Variants in RNF115 observed in about 807,000 individuals in gnomAD.
RNF115 encodes ring finger protein 115.
A neutral mutation model predicts 39.2 loss-of-function variants in RNF115; 31 were observed. The ratio of observed to expected loss-of-function variants is 0.79; its 90% CI spans 0.59 to 1.07. The LOEUF is 1.07. RNF115 is among the 50% of genes least tolerant of loss of function. RNF115 has a pLI of 0.00. For missense variants in RNF115, 384 were observed against 381.7 expected, an observed-to-expected ratio of 1.01 and a Z score of -0.05; for synonymous variants, 124 against 131.0, an observed-to-expected ratio of 0.95 and a Z score of 0.37.
intron 1 of RNF115, among the ~76,000 whole-genome samples, chr1:145,798,274 G>C (rs917444233): frequency 9.9e-5 from 15 of 152,078 alleles, no homozygotes; most frequent in Non-Finnish European, 2.9e-5. Flanking sequence ...TTTCCTCTAA[G>C]TTTTCTTTTA....
chr1:145,792,442 C>T (rs1481818687), intron 1 of RNF115, among the ~76,000 whole-genome samples: 3 of 152,034 alleles, frequency 2.0e-5, no homozygotes, highest in East Asian at 1.9e-4. Flanking sequence ...GTCATCCTCC[C>T]AAAGTGCTGG....
intron 4 of RNF115, among the ~76,000 whole-genome samples, chr1:145,760,542 T>C (rs1658459381): frequency 2.0e-5 from 3 of 152,112 alleles, no homozygotes; most frequent in Non-Finnish European, 2.9e-5. Flanking sequence ...TGAGATCTGA[T>C]GGGTTTATCA....
chr1:145,758,769 C>G (rs1287033318), intron 4 of RNF115, among the ~76,000 whole-genome samples: 8 of 152,192 alleles, frequency 5.3e-5, no homozygotes, highest in African/African-American at 1.9e-4. Flanking sequence ...TACTTACTCT[C>G]TGGAAGTCAG....
intron 6 of RNF115, among the ~76,000 whole-genome samples, chr1:145,750,964 C>T (rs1052825046): frequency 1.3e-5 from 2 of 152,140 alleles, no homozygotes; most frequent in Non-Finnish European, 2.9e-5. Context: ...CTCAGAAATC[C>T]ACAACGGAAA....
At chr1:145,755,291 G>A (rs962601737) in intron 4 of RNF115, among the ~76,000 whole-genome samples, 4 of 151,710 alleles carry the variant, frequency 2.6e-5, no homozygotes, top group East Asian at 3.9e-4. Context: ...TACTTCTGTC[G>A]GATCAATCAC....
intron 4 of RNF115, among the ~76,000 whole-genome samples, chr1:145,755,912 G>A (rs1275714409): frequency 6.6e-6 from 1 of 152,116 alleles, no homozygotes; most frequent in Non-Finnish European, 1.5e-5. Flanking sequence ...TGATAATCTA[G>A]CTAAAGTGAT....
At chr1:145,754,522 T>A (rs1658224861) in intron 4 of RNF115, among the ~76,000 whole-genome samples, 1 of 152,062 alleles carries the variant, frequency 6.6e-6, no homozygotes, top group Non-Finnish European at 1.5e-5. Context: ...CCTGGCTAAT[T>A]TTTGTATTTT....
intron 1 of RNF115, among the ~76,000 whole-genome samples, chr1:145,802,195 C>G (rs372213811): frequency 3.2e-4 from 49 of 152,290 alleles, no homozygotes; most frequent in African/African-American, 1.1e-3. Context: ...CCAAACTAAG[C>G]TGCTTTCCCC....
rs587643244 is a variant in RNF115, at chr1:145,809,454, T to G, written c.102+14318A>C. Among the ~76,000 whole-genome samples the G allele has an allele frequency of 2.7e-5, 4 of 149,466 alleles. No homozygotes were observed. In the East Asian group the frequency reaches 7.9e-4, roughly 29 times the overall value. On this transcript the variant is annotated intron_variant, in intron 1 of 8. Coordinates refer to ENST00000582693, the MANE Select transcript of RNF115 (RefSeq NM_014455.4). ...CTTCAGCCTCCCAAAGTGCTGAGAT[T>G]ATAGGTGTGCGCCACTGCACCCAGA... is the stretch of plus-strand genomic sequence containing the variant.
chr1:145,803,851 G>T (rs782790014), intron 1 of RNF115, among the ~76,000 whole-genome samples: 83 of 152,188 alleles, frequency 5.5e-4, no homozygotes, highest in Non-Finnish European at 7.6e-4. Context: ...TGATCAGATG[G>T]TCAAGAAGCC....
intron 2 of RNF115, among the ~76,000 whole-genome samples, chr1:145,788,103 CTTTTTTT>C (rs1194329643): frequency 6.6e-6 from 1 of 151,412 alleles, no homozygotes; most frequent in Admixed American, 6.6e-5. Context: ...TTTCTTTTTT[CTTTTTTT>C]TGAGACACAG....
chr1:145,803,792 C>T (rs966884560), intron 1 of RNF115, among the ~76,000 whole-genome samples: 1 of 152,164 alleles, frequency 6.6e-6, no homozygotes, highest in South Asian at 2.1e-4. Flanking sequence ...TCATTGTGTA[C>T]CAAGGCAGAA....
chr1:145,761,671 C>A (rs1300087246), intron 4 of RNF115, among the ~76,000 whole-genome samples: 1 of 152,254 alleles, frequency 6.6e-6, no homozygotes, highest in African/African-American at 2.4e-5. Context: ...CATGGAGAAC[C>A]TCTGCTAGGG....
chr1:145,790,297 C>T (rs1351499213), intron 1 of RNF115, among the ~76,000 whole-genome samples: 4 of 151,208 alleles, frequency 2.6e-5, no homozygotes, highest in Admixed American at 2.6e-4. Flanking sequence ...TGCAACACCA[C>T]GCCTGGCTAA....
rs781869826 is a variant in RNF115, at chr1:145,771,934, A to G, written c.220-15T>C. ...TGGCCCCAAAGCTAGTAAAGACCAG[A>G]AATAAGTCACATGTTAGAAAAATCA... On this transcript the variant is annotated splice_polypyrimidine_tract_variant and intron_variant, in intron 3 of 8. Transcript: ENST00000582693. 1 of 1,602,576 alleles carries G rather than the reference A, an allele frequency of 6.2e-7. No individual in the cohort carries two copies. Among genetic ancestry groups the G allele is most frequent in the South Asian group, 1.1e-5 (1 of 89,510 alleles).
intron 2 of RNF115, among the ~76,000 whole-genome samples, chr1:145,787,415 T>C (rs1648433368): frequency 6.7e-6 from 1 of 149,138 alleles, no homozygotes; most frequent in Non-Finnish European, 1.5e-5. Flanking sequence ...CTACTAAGAA[T>C]ACAAAAATTA....
At chr1:145,784,739 A>G (rs1463267019) in intron 2 of RNF115, 143 bp from the exon 3 acceptor site, 1 of 636,794 alleles carries the variant, frequency 1.6e-6, no homozygotes, top group Non-Finnish European at 2.8e-6. Flanking sequence ...AAAGGAAATT[A>G]TGAATAACTG....
At chr1:145,788,857 A>G (rs782153231) in intron 2 of RNF115, 51 bp downstream of exon 2, 12 of 1,301,178 alleles carry the variant, frequency 9.2e-6, no homozygotes, top group Middle Eastern at 1.8e-4. Context: ...TGCTGAGAGA[A>G]AATAGTTTTG....
chr1:145,795,343 A>G (rs12127387), intron 1 of RNF115, among the ~76,000 whole-genome samples: 129,413 of 152,040 alleles, frequency 0.85, 55,496 homozygotes, highest in African/African-American at 0.95. Flanking sequence ...AGCTTCCACA[A>G]CGCGGAAGGG....
Sources: gnomAD v4.1 joint callset for allele counts (sites outside exome capture counted in the v4.1 genomes callset) on GRCh38, gnomAD v4.1.1 for gene constraint, MANE v1.5 for transcripts, NCBI Gene and HGNC (gene_info 2026-07-23, HGNC 2026-07-21) for gene names.